Variants in ARID1B observed in about 807,000 individuals in gnomAD.
ARID1B encodes AT-rich interactive domain-containing protein 1B.
In ARID1B, 30 loss-of-function variants were observed where a neutral mutation model predicts 212.3. The observed-to-expected ratio is 0.14, with a 90% CI of 0.11 to 0.19. The LOEUF (loss-of-function observed/expected upper bound fraction) is 0.19, where lower values mean the gene tolerates loss of function less well. Ranked by LOEUF, ARID1B falls within the 10% of genes least tolerant of loss-of-function variation. The pLI is 1.00. For missense variants in ARID1B, 2,891 were observed against 3,204.0 expected (o/e 0.90, Z 2.36); for synonymous variants, 1,402 against 1,301.7 (o/e 1.08, Z -1.66).
chr6:156,969,195 G>A (rs1315897798), intron 4 of ARID1B, among the ~76,000 whole-genome samples: 1 of 152,226 alleles, frequency 6.6e-6, no homozygotes, highest in Non-Finnish European at 1.5e-5. Context: ...AGTGGACACT[G>A]AGTAAAGACA....
chr6:156,933,187 GT>G (rs1159972713), intron 3 of ARID1B, among the ~76,000 whole-genome samples: 6 of 152,198 alleles, frequency 3.9e-5, no homozygotes, highest in African/African-American at 1.4e-4. Context: ...ACATAAAAGG[GT>G]AATATGCATA....
chr6:156,964,599 T>C (rs2128330783), intron 4 of ARID1B, among the ~76,000 whole-genome samples: 1 of 152,380 alleles, frequency 6.6e-6, no homozygotes, highest in Middle Eastern at 3.4e-3. Context: ...GAATGTTATG[T>C]ATGTGTATAA....
chr6:156,776,215 A>G (rs1367874083), upstream of ARID1B: 1 of 152,220 alleles, frequency 6.6e-6, no homozygotes, highest in Non-Finnish European at 1.5e-5. Context: ...CCTAAGGTTA[A>G]GAAGTCTTGC....
chr6:156,903,538 A>G (rs1018942940), intron 3 of ARID1B, among the ~76,000 whole-genome samples: 2 of 152,232 alleles, frequency 1.3e-5, no homozygotes, highest in Admixed American at 6.5e-5. Context: ...TGACAGGAAC[A>G]GTCCTGGATT....
chr6:156,983,660 C>T (rs1011281277), intron 4 of ARID1B, among the ~76,000 whole-genome samples: 2 of 152,104 alleles, frequency 1.3e-5, no homozygotes, highest in African/African-American at 4.8e-5. Flanking sequence ...GGCTTAGGGT[C>T]TCAGTGTTCG....
chr6:157,173,672 A>T (rs1791876778), intron 9 of ARID1B: 1 of 174,148 alleles, frequency 5.7e-6, no homozygotes. Flanking sequence ...CCTGATTAGT[A>T]ATTTAAACAT....
intron 5 of ARID1B, among the ~76,000 whole-genome samples, chr6:157,098,887 A>C (rs1785856356): frequency 3.3e-5 from 5 of 152,240 alleles, no homozygotes; most frequent in African/African-American, 4.8e-5. Context: ...CAGGCCACTT[A>C]GCAGTCATCC....
At chr6:157,063,506 G>C (rs1187454970) in intron 4 of ARID1B, among the ~76,000 whole-genome samples, 2 of 152,030 alleles carry the variant, frequency 1.3e-5, no homozygotes, top group Non-Finnish European at 2.9e-5. Flanking sequence ...TTTTTAGATA[G>C]TTGTGCTATT....
chr6:157,071,985 G>T (rs1784030880), intron 4 of ARID1B: 1 of 152,156 alleles, frequency 6.6e-6, no homozygotes, highest in Non-Finnish European at 1.5e-5. Context: ...CTTGCTAAAT[G>T]GGGACCATAA....
intron 4 of ARID1B, among the ~76,000 whole-genome samples, chr6:157,058,416 C>T (rs1354267127): frequency 2.0e-5 from 3 of 152,078 alleles, no homozygotes; most frequent in Non-Finnish European, 4.4e-5. Flanking sequence ...AGGTACACAC[C>T]ACCATGCTGG....
At chr6:156,815,756 T>C (rs1781921460) in intron 1 of ARID1B, among the ~76,000 whole-genome samples, 2 of 152,262 alleles carry the variant, frequency 1.3e-5, no homozygotes, top group Non-Finnish European at 2.9e-5. Context: ...TTGCTGTTAC[T>C]ATCCAGCTAT....
chr6:157,079,797 C>T lies in ARID1B; in HGVS notation c.2248-4865C>T, dbSNP rs139534839. Among the ~76,000 whole-genome samples the T allele has an allele frequency of 2.4e-3, 372 of 152,140 alleles. 1 individual carries two copies. Among genetic ancestry groups the T allele is most frequent in the African/African-American group, 8.0e-3 (332 of 41,512 alleles). ...ATCATATCCATTTTGTCTTTAGCAC[C>T]GCACTTGGCACAAGAAGTCACTACC... On this transcript the variant is annotated intron_variant, in intron 4 of 19. Transcript: ENST00000636930.
In ARID1B at chr6:156,985,796, A is replaced by G. The variant is rs1037532040; in HGVS notation, c.2247+50220A>G. ...CTACAAAACACAGCTCTGTAAGGGA[A>G]CACATATCTAAATATCATCATCCTG... On this transcript the variant is annotated intron_variant, in intron 4 of 19. Coordinates refer to ENST00000636930, the MANE Select transcript of ARID1B (RefSeq NM_001374828.1). 1.7e-4 allele frequency among the ~76,000 whole-genome samples: 26 copies of G among 152,312 alleles called. No individual in the cohort carries two copies. The East Asian group carries it at 5.0e-3, about 29-fold the overall frequency.
At chr6:156,800,206 A>G (rs1242376405) in intron 1 of ARID1B, among the ~76,000 whole-genome samples, 1 of 152,224 alleles carries the variant, frequency 6.6e-6, no homozygotes, top group Non-Finnish European at 1.5e-5. Context: ...TTTTTCCAAC[A>G]TAAAACCTTT....
intron 2 of ARID1B, among the ~76,000 whole-genome samples, chr6:156,865,073 C>A (rs1785588114): frequency 6.6e-6 from 1 of 152,154 alleles, no homozygotes; most frequent in Non-Finnish European, 1.5e-5. Context: ...GACTTCCTAT[C>A]CTAGAGATTT....
chr6:156,822,831 GT>G (rs1263272813), intron 1 of ARID1B, among the ~76,000 whole-genome samples: 4 of 152,304 alleles, frequency 2.6e-5, no homozygotes, highest in African/African-American at 9.6e-5. Flanking sequence ...TGTTCTGTGT[GT>G]GCCGTGACCA....
chr6:156,856,677 C>CTT (rs1267054518), intron 2 of ARID1B, among the ~76,000 whole-genome samples: 1 of 69,654 alleles, frequency 1.4e-5, no homozygotes, highest in South Asian at 6.3e-4. Flanking sequence ...CATATCCTCT[C>CTT]TCTCTCTCTC....
chr6:157,198,661 T>C (rs1583495995), intron 16 of ARID1B, 150 bp from the exon 17 acceptor site: 2 of 599,790 alleles, frequency 3.3e-6, no homozygotes. Context: ...GGCGTGCAGC[T>C]GCCTCTCAGA....
At chr6:156,982,199 A>C (rs1416640269) in intron 4 of ARID1B, among the ~76,000 whole-genome samples, 1 of 152,118 alleles carries the variant, frequency 6.6e-6, no homozygotes, top group African/African-American at 2.4e-5. Context: ...ATACCCTCAT[A>C]TTTAAATTGA....
Sources: allele counts gnomAD v4.1 joint callset (sites outside exome capture counted in the v4.1 genomes callset), GRCh38; gene constraint gnomAD v4.1.1; transcripts MANE v1.5; gene names NCBI Gene and HGNC (gene_info 2026-07-23, HGNC 2026-07-21).